SCN4A: variants seen among roughly 807,000 people sequenced by gnomAD.
SCN4A encodes the protein sodium voltage-gated channel alpha subunit 4.
In SCN4A, 83 loss-of-function variants were observed where a neutral mutation model predicts 162.0. The observed-to-expected ratio is 0.51, with a 90% CI of 0.43 to 0.61. SCN4A has a LOEUF of 0.61. Among genes scored for constraint, SCN4A ranks in the 20% least tolerant of loss-of-function variants. The probability of loss-of-function intolerance (pLI) is 0.00; values close to 1 mark genes in which losing one functional copy is unlikely to be tolerated. For synonymous variants in SCN4A, 944 were observed against 985.1 expected (o/e 0.96, Z 0.78); for missense variants, 2,196 against 2,462.5 (o/e 0.89, Z 2.29).
In SCN4A at chr17:63,972,225, C is replaced by G. The variant is rs368874606; in HGVS notation, c.393G>C (p.Ala131=). ...TGATCATGATGAACATGCTGAACAG[C>G]GTGGGGCAGGGTCAAGGAAAGTGAG... ...RRGAIKVLIH[A]LFSMFIMITI... Residue 131 remains alanine (A), a splice_region_variant and synonymous_variant, in exon 3 of 24, where the codon GCG becomes GCC. Coordinates refer to ENST00000435607, the MANE Select transcript of SCN4A (RefSeq NM_000334.4). The surrounding 1 kb of genome is among the most constrained non-coding windows in gnomAD (Gnocchi z 4.3). 3 of 1,612,748 alleles carry G rather than the reference C, an allele frequency of 1.9e-6. No individual in the cohort carries two copies. Among genetic ancestry groups the G allele is most frequent in the African/African-American group, 2.7e-5 (2 of 74,842 alleles).
In SCN4A at chr17:63,961,185, C is replaced by CA; in HGVS notation, c.1845+7_1845+8insT. The CA allele has an allele frequency of 2.1e-6, 3 of 1,415,154 alleles. No individual in the cohort carries two copies. The highest frequency in any genetic ancestry group is 3.0e-6 in the Non-Finnish European group (3 of 1,004,394). The allele number at this position is 1,415,154 out of a possible 1,614,324, so 87.7% of individuals were successfully genotyped here. ...CCATGAATGATCCCCTCCCCCGCCC[C>CA]TCCCTACCAGGTTGCCCACAGTGAG... is the stretch of plus-strand genomic sequence containing the variant. On this transcript the variant is annotated splice_region_variant and intron_variant, in intron 11 of 23. Transcript: ENST00000435607.
intron 17 of SCN4A, 136 bp from the exon 18 acceptor site, chr17:63,947,303 C>G: frequency 9.0e-7 from 1 of 1,113,124 alleles, no homozygotes; most frequent in South Asian, 1.4e-5. Flanking sequence ...TGGTCCTGTC[C>G]GGTGGGAAGA....
At position 63,940,764 on chromosome 17, in the gene SCN4A, C is replaced by T; in HGVS notation, c.*7G>A. On this transcript the variant is annotated 3_prime_UTR_variant, in exon 24 of 24. Coordinates refer to ENST00000435607, the MANE Select transcript of SCN4A (RefSeq NM_000334.4). ...CGAGACTCAGTGGGCCACCCCGATGCTGCCTGCTAGACAAGAGACTCCTTG... is the reference window on the plus strand; with the variant it reads ...CGAGACTCAGTGGGCCACCCCGATGTTGCCTGCTAGACAAGAGACTCCTTG... 5 of 1,552,164 alleles carry T rather than the reference C, an allele frequency of 3.2e-6. No homozygotes were observed. Among genetic ancestry groups the T allele is most frequent in the Non-Finnish European group, 4.4e-6 (5 of 1,147,668 alleles).
At chr17:63,971,335 G>T (rs942272207) in intron 4 of SCN4A, 82 bp from the exon 5 acceptor site, 2 of 804,242 alleles carry the variant, frequency 2.5e-6, no homozygotes, top group African/African-American at 1.7e-5. Flanking sequence ...CTCCAGGCCT[G>T]GGATGAGGAT....
intron 5 of SCN4A, among the ~76,000 whole-genome samples, chr17:63,968,641 G>C (rs1466550758): frequency 1.3e-5 from 2 of 152,178 alleles, no homozygotes; most frequent in Non-Finnish European, 2.9e-5. Flanking sequence ...ATACAGCAGA[G>C]CTTAATACAT....
chr17:63,943,907 A>G (rs1908628743), intron 21 of SCN4A, 57 bp from the exon 22 acceptor site: 1 of 1,104,314 alleles, frequency 9.1e-7, no homozygotes, highest in South Asian at 1.3e-5. Context: ...TGCCTCCAGG[A>G]CCACCCCCAC....
At chr17:63,961,030 C>G (rs1425726314) in intron 11 of SCN4A, among the ~76,000 whole-genome samples, 163 bp downstream of exon 11, 1 of 147,178 alleles carries the variant, frequency 6.8e-6, no homozygotes, top group Admixed American at 6.8e-5. Flanking sequence ...CCAAGTACCC[C>G]CCCCCACATC....
chr17:63,972,815 C>A lies in SCN4A; in HGVS notation c.27G>T (p.Leu9=). Residue 9 remains leucine (L), a synonymous_variant, in exon 1 of 24, where the codon CTG becomes CTT. Transcript: ENST00000435607. This position sits in a 1 kb window ranked among gnomAD's most constrained non-coding sequence, Gnocchi z 4.3. ...GCAAGCACTCAGGGCCCAGAGGCACCAGGGTGCACAGAGATGGTCTGGCCA... is the reference window on the plus strand; with the variant it reads ...GCAAGCACTCAGGGCCCAGAGGCACAAGGGTGCACAGAGATGGTCTGGCCA... The part of the protein sequence containing the change: MARPSLCT[L]VPLGPECLRP... The A allele has an allele frequency of 6.2e-7, 1 of 1,612,824 alleles. No homozygotes were observed. The highest frequency in any genetic ancestry group is 1.1e-5 in the South Asian group (1 of 90,980).
At chr17:63,962,984 A>T (rs958121612) in intron 10 of SCN4A, among the ~76,000 whole-genome samples, 1 of 152,136 alleles carries the variant, frequency 6.6e-6, no homozygotes, top group Admixed American at 6.5e-5. Flanking sequence ...CTGGGGAGGG[A>T]ACCACATCTC....
chr17:63,972,274 T>C lies in SCN4A; in HGVS notation c.393-49A>G. The C allele has an allele frequency of 6.3e-7, 1 of 1,592,670 alleles. No homozygotes were observed. Among genetic ancestry groups the C allele is most frequent in the Non-Finnish European group, 8.6e-7 (1 of 1,164,000 alleles). On this transcript the variant is annotated intron_variant, in intron 2 of 23. Transcript: ENST00000435607. This position sits in a 1 kb window ranked among gnomAD's most constrained non-coding sequence, Gnocchi z 4.3. ...AGGAAGCAGCTAGGATGGGAGGTGA[T>C]AGAGGGTCTCCTGGGCCACAGCACC...
At position 63,944,837 on chromosome 17, in the gene SCN4A, G is replaced by A. The variant is rs201776114; in HGVS notation, c.3775-27C>T. On this transcript the variant is annotated intron_variant, in intron 20 of 23. Transcript: ENST00000435607. This position sits in a 1 kb window ranked among gnomAD's most constrained non-coding sequence, Gnocchi z 4.3. ...TGTGGGAGCCACAGGGTGGGACGGC[G>A]TGGGTTTGCACGCTGGCTTCTCCCT... The A allele has an allele frequency of 8.8e-5, 141 of 1,611,304 alleles. No homozygotes were observed. Among genetic ancestry groups the A allele is most frequent in the African/African-American group, 6.8e-4 (51 of 74,996 alleles).
chr17:63,957,319 G>C lies in SCN4A; in HGVS notation c.2219C>G (p.Pro740Arg). Reference sequence around the variant, plus strand: ...GAAGAAATCATGCATGTGCCAGCGCGGCAGGTTGCAGTCCAAGGCAATCTT... The same window carrying C: ...GAAGAAATCATGCATGTGCCAGCGCCGCAGGTTGCAGTCCAAGGCAATCTT... ...VCKIALDCNLPRWHMHDFFHS... is the reference protein window; with the variant it reads ...VCKIALDCNLRRWHMHDFFHS... The change falls in exon 13 of 24, where the codon CCG becomes CGG. Residue 740 changes from proline to arginine, a missense_variant. Coordinates refer to ENST00000435607, the MANE Select transcript of SCN4A (RefSeq NM_000334.4). 1 of 1,614,132 alleles carries C rather than the reference G, an allele frequency of 6.2e-7. No homozygotes were observed. Among genetic ancestry groups the C allele is most frequent in the Non-Finnish European group, 8.5e-7 (1 of 1,179,990 alleles).
chr17:63,949,302 G>A, intron 15 of SCN4A, 91 bp downstream of exon 15: 2 of 1,377,344 alleles, frequency 1.5e-6, no homozygotes, highest in Admixed American at 5.0e-5. Flanking sequence ...GCAGCCCCAG[G>A]TCCGTGTGCT....
intron 12 of SCN4A, among the ~76,000 whole-genome samples, chr17:63,958,616 G>A (rs1189311584): frequency 4.6e-5 from 7 of 152,182 alleles, no homozygotes; most frequent in South Asian, 2.1e-4. Context: ...GCAGTGGTGC[G>A]ATCTCGGCTC....
Position 63,940,961 on chromosome 17 carries a change from TTGGCAAGC to T in SCN4A, c.5313_5320del (p.Leu1772HisfsTer72). On this transcript the variant is annotated frameshift_variant, in exon 24 of 24. Coordinates refer to ENST00000435607, the MANE Select transcript of SCN4A (RefSeq NM_000334.4). LOFTEE classifies it low-confidence loss of function (END_TRUNC). ...GTGGCCATACATCTTGCTCATGGTG[TTGGCAAGC>T]AGCCCCTCCTTCTCAGGGGCGTCAT... is the stretch of plus-strand genomic sequence containing the variant. 6.2e-7 allele frequency: 1 copy of T among 1,613,612 alleles called. No individual in the cohort carries two copies. Among genetic ancestry groups the T allele is most frequent in the Non-Finnish European group, 8.5e-7 (1 of 1,179,570 alleles).
chr17:63,964,454 C>T lies in SCN4A; in HGVS notation c.1452+14G>A, dbSNP rs769966213. On this transcript the variant is annotated intron_variant, in intron 9 of 23. Transcript: ENST00000435607. ...GAACCCTGGGTCCTCTATCTCCTTTCCCTGAGTCCAGACCTTCTCCAGCTC... is the reference window on the plus strand; with the variant it reads ...GAACCCTGGGTCCTCTATCTCCTTTTCCTGAGTCCAGACCTTCTCCAGCTC... 1 of 1,612,844 alleles carries T rather than the reference C, an allele frequency of 6.2e-7. No individual in the cohort carries two copies. Among genetic ancestry groups the T allele is most frequent in the Non-Finnish European group, 8.5e-7 (1 of 1,178,968 alleles).
Position 63,941,044 on chromosome 17 carries a change from G to A in SCN4A, c.5238C>T (p.Ser1746=). 1 of 1,613,946 alleles carries A rather than the reference G, an allele frequency of 6.2e-7. No individual in the cohort carries two copies. Among genetic ancestry groups the A allele is most frequent in the South Asian group, 1.1e-5 (1 of 91,084 alleles). The change falls in exon 24 of 24, where the codon TCC becomes TCT. Residue 1746 remains serine (S), a synonymous_variant. Coordinates refer to ENST00000435607, the MANE Select transcript of SCN4A (RefSeq NM_000334.4). The surrounding 1 kb of genome is among the most constrained non-coding windows in gnomAD (Gnocchi z 6.2). ...GGTACATGTAGGATGCCTGCTTCAT[G>A]GAGCGCTGTAGCAGGTGCCGGCGGT... ...RAYRRHLLQR[S]MKQASYMYRH...
rs1908780677 is a variant in SCN4A at position 63,947,981 on chromosome 17, A to G, written c.3227T>C (p.Phe1076Ser). The part of the protein sequence containing the change: ...EYADKVFTYI[F>S]IMEMLLKWVA... ...CCATTTGAGCAGCATCTCCATGATG[A>G]AGATGTAGGTGAAGACCTTGTCGGC... The change falls in exon 17 of 24, where the codon TTC becomes TCC. Residue 1076 changes from phenylalanine (F) to serine (S), a missense_variant. Coordinates refer to ENST00000435607, the MANE Select transcript of SCN4A (RefSeq NM_000334.4). 1.2e-6 allele frequency: 2 copies of G among 1,613,746 alleles called. No individual in the cohort carries two copies. The highest frequency in any genetic ancestry group is 2.7e-5 in the African/African-American group (2 of 75,052).
Position 63,941,848 on chromosome 17 carries a change from C to T in SCN4A, c.4434G>A (p.Ser1478=), listed in dbSNP as rs753725579. Residue 1478 remains serine (S), a synonymous_variant, in exon 24 of 24, where the codon TCG becomes TCA. Coordinates refer to ENST00000435607, the MANE Select transcript of SCN4A (RefSeq NM_000334.4). The surrounding 1 kb of genome is among the most constrained non-coding windows in gnomAD (Gnocchi z 6.2). ...IRTLLFALMM[S]LPALFNIGLL... Reference sequence around the variant, plus strand: ...GGCCGATGTTGAAGAGGGCAGGCAGCGACATCATGAGGGCGAACAGCAGCG... The same window carrying T: ...GGCCGATGTTGAAGAGGGCAGGCAGTGACATCATGAGGGCGAACAGCAGCG... The T allele has an allele frequency of 1.5e-5, 24 of 1,614,024 alleles. No homozygotes were observed. The highest frequency in any genetic ancestry group is 6.7e-5 in the African/African-American group (5 of 74,930).
Sources: allele counts gnomAD v4.1 joint callset (sites outside exome capture counted in the v4.1 genomes callset), GRCh38; gene constraint gnomAD v4.1.1; non-coding constraint Gnocchi (gnomAD v3.1); transcripts MANE v1.5; gene names NCBI Gene and HGNC (gene_info 2026-07-23, HGNC 2026-07-21).